LSAMP: variants seen among roughly 807,000 people sequenced by gnomAD.
The protein encoded by LSAMP is limbic system associated membrane protein, also known as limbic system-associated membrane protein.
In LSAMP, 7 loss-of-function variants were observed where a neutral mutation model predicts 38.6. The ratio of observed to expected loss-of-function variants is 0.18; its 90% CI spans 0.10 to 0.34. The LOEUF is 0.34. LSAMP is among the 10% of genes least tolerant of loss of function. The probability of loss-of-function intolerance (pLI) is 1.00; values close to 1 mark genes in which losing one functional copy is unlikely to be tolerated. For missense variants in LSAMP, 313 were observed against 420.0 expected, an observed-to-expected ratio of 0.75 and a Z score of 2.23; for synonymous variants, 154 against 166.8, an observed-to-expected ratio of 0.92 and a Z score of 0.59.
chr3:115,887,987 A>C (rs945178128), intron 3 of LSAMP, among the ~76,000 whole-genome samples: 1 of 151,960 alleles, frequency 6.6e-6, no homozygotes, highest in Non-Finnish European at 1.5e-5. Flanking sequence ...CCCATGTCTC[A>C]ATGGCTAAAT....
intron 1 of LSAMP, among the ~76,000 whole-genome samples, chr3:116,161,216 G>T (rs1322280512): frequency 6.6e-6 from 1 of 152,148 alleles, no homozygotes; most frequent in Non-Finnish European, 1.5e-5. Flanking sequence ...CCACCACAGT[G>T]AGGAAGCAAG....
intron 1 of LSAMP, among the ~76,000 whole-genome samples, chr3:116,205,313 G>T (rs2046051513): frequency 7.2e-6 from 1 of 139,766 alleles, no homozygotes; most frequent in Admixed American, 7.3e-5. Flanking sequence ...CTGAGACGAT[G>T]GGGTTTTCTA....
chr3:115,905,140 C>T (rs1936977301), intron 3 of LSAMP, among the ~76,000 whole-genome samples: 1 of 152,098 alleles, frequency 6.6e-6, no homozygotes, highest in South Asian at 2.1e-4. Flanking sequence ...AATCCTGTAT[C>T]TATGGGAAAA....
At chr3:115,894,368 A>G (rs1936676838) in intron 3 of LSAMP, among the ~76,000 whole-genome samples, 2 of 151,988 alleles carry the variant, frequency 1.3e-5, no homozygotes, top group African/African-American at 4.8e-5. Context: ...GAAATAAAGT[A>G]TGTGCTCACA....
At chr3:116,214,309 G>A (rs950361917) in intron 1 of LSAMP, among the ~76,000 whole-genome samples, 4 of 152,004 alleles carry the variant, frequency 2.6e-5, no homozygotes, top group South Asian at 2.1e-4. Context: ...AGGTCAGGTC[G>A]TGTTCAAAGA....
intron 3 of LSAMP, among the ~76,000 whole-genome samples, chr3:115,967,399 G>A (rs1938852888): frequency 6.6e-6 from 1 of 152,036 alleles, no homozygotes. Flanking sequence ...CAACATTTTG[G>A]TCAAAGCCAT....
chr3:115,842,543 C>A lies in LSAMP; in HGVS notation c.685G>T (p.Ala229Ser). The A allele has an allele frequency of 1.2e-6, 2 of 1,613,756 alleles. No homozygotes were observed. Among genetic ancestry groups the A allele is most frequent in the Non-Finnish European group, 1.7e-6 (2 of 1,179,790 alleles). The change falls in exon 5 of 7, where the codon GCC becomes TCC. Residue 229 changes from alanine to serine, a missense_variant. Transcript: ENST00000490035. ...AGTGAAGCTTGTCGTCCTGTGGTGG[C>A]TTCATTGCTCTTGGATTCTGTGATA... ...PTITESKSNE[A>S]TTGRQASLKC...
intron 1 of LSAMP, chr3:116,368,408 T>C (rs1431945205): frequency 1.3e-5 from 2 of 152,148 alleles, no homozygotes; most frequent in East Asian, 3.8e-4. Context: ...GATACATTGT[T>C]TTTTTTTAAG....
At chr3:116,382,446 T>C (rs893762438) in intron 1 of LSAMP, among the ~76,000 whole-genome samples, 6 of 147,658 alleles carry the variant, frequency 4.1e-5, no homozygotes, top group Middle Eastern at 3.4e-3. Flanking sequence ...TAGGTGGGAA[T>C]TGAACAATGA....
At chr3:116,354,980 T>A (rs114462440) in intron 1 of LSAMP, among the ~76,000 whole-genome samples, 1,953 of 152,174 alleles carry the variant, frequency 0.013, 34 homozygotes, top group African/African-American at 0.044. Context: ...CATTCCATTA[T>A]AGATGCTGTT....
intron 1 of LSAMP, among the ~76,000 whole-genome samples, chr3:116,109,814 A>C (rs1708557559): frequency 6.6e-6 from 1 of 151,642 alleles, no homozygotes; most frequent in Non-Finnish European, 1.5e-5. Flanking sequence ...AAAAGAGAGC[A>C]TAGAGACACG....
chr3:116,390,002 A>G (rs994564372), intron 1 of LSAMP, among the ~76,000 whole-genome samples: 4 of 152,160 alleles, frequency 2.6e-5, no homozygotes, highest in Non-Finnish European at 5.9e-5. Flanking sequence ...TTAAATGTCC[A>G]CCAGTTGTGA....
intron 1 of LSAMP, among the ~76,000 whole-genome samples, chr3:116,444,524 C>T (rs1291838656): frequency 2.6e-5 from 4 of 151,916 alleles, no homozygotes; most frequent in South Asian, 2.1e-4. Context: ...AAGTGCAATG[C>T]CACAGCAATT....
At chr3:115,959,951 T>C (rs550991645) in intron 3 of LSAMP, among the ~76,000 whole-genome samples, 1 of 152,284 alleles carries the variant, frequency 6.6e-6, no homozygotes, top group East Asian at 1.9e-4. Context: ...AATGTTCTGG[T>C]GGCAAAGGGA....
In LSAMP at chr3:116,101,921, A is replaced by AG. The variant is rs201644771; in HGVS notation, c.156-15366_156-15365insC. 9.9e-3 allele frequency among the ~76,000 whole-genome samples: 1,510 copies of AG among 152,240 alleles called. 18 individuals carry two copies. The highest frequency in any genetic ancestry group is 0.033 in the African/African-American group (1,359 of 41,550). ...AATAAATATTTTTTAATCCATACTC[A>AG]ATGTCATACTGAGGACTAACCACCT... On this transcript the variant is annotated intron_variant, in intron 1 of 6. Coordinates refer to ENST00000490035, the MANE Select transcript of LSAMP (RefSeq NM_002338.5).
At chr3:116,133,430 C>G (rs1013500479) in intron 1 of LSAMP, among the ~76,000 whole-genome samples, 1 of 151,944 alleles carries the variant, frequency 6.6e-6, no homozygotes, top group African/African-American at 2.4e-5. Context: ...ACTAGGACCA[C>G]AAGTGTGTGG....
At chr3:116,145,136 G>T (rs537250416) in intron 1 of LSAMP, among the ~76,000 whole-genome samples, 2 of 151,642 alleles carry the variant, frequency 1.3e-5, no homozygotes, top group African/African-American at 2.4e-5. Context: ...TGTTTATTTC[G>T]CAAATAGACT....
intron 1 of LSAMP, among the ~76,000 whole-genome samples, chr3:116,292,038 C>A (rs1029855859): frequency 1.3e-5 from 2 of 152,116 alleles, no homozygotes; most frequent in South Asian, 4.1e-4. Context: ...TGGTACCACT[C>A]GCAAAAGATG....
At position 115,867,892 on chromosome 3, in the gene LSAMP, T is replaced by C. The variant is rs151065198; in HGVS notation, c.515-15275A>G. Among the ~76,000 whole-genome samples the C allele has an allele frequency of 9.6e-3, 1,466 of 152,278 alleles. 26 individuals carry two copies. Among genetic ancestry groups the C allele is most frequent in the African/African-American group, 0.033 (1,356 of 41,542 alleles). On this transcript the variant is annotated intron_variant, in intron 3 of 6. Coordinates refer to ENST00000490035, the MANE Select transcript of LSAMP (RefSeq NM_002338.5). ...CTGAGAGTAAGTAAATAGATGAGCA[T>C]GTGATTGCAAAGGCAGCTGAGTGAG...
Sources: gnomAD v4.1 joint callset for allele counts (sites outside exome capture counted in the v4.1 genomes callset) on GRCh38, gnomAD v4.1.1 for gene constraint, MANE v1.5 for transcripts, NCBI Gene and HGNC (gene_info 2026-07-23, HGNC 2026-07-21) for gene names.